The following DNAH1 variants were observed in gnomAD, a reference collection of about 807,000 sequenced individuals.
DNAH1 encodes the protein dynein axonemal heavy chain 1.
A neutral mutation model predicts 484.3 loss-of-function variants in DNAH1; 327 were observed. That is an observed-to-expected ratio of 0.68 (90% CI 0.62 to 0.74). DNAH1 has a LOEUF of 0.74. Ranked by LOEUF, DNAH1 falls within the 30% of genes least tolerant of loss-of-function variation. The pLI, the probability that DNAH1 is intolerant of heterozygous loss-of-function variation, is 0.00. For synonymous variants in DNAH1, 2,192 were observed against 2,191.9 expected (o/e 1.00, Z 0.00); for missense variants, 5,052 against 5,546.8 (o/e 0.91, Z 2.83).
chr3:52,365,781 T>C (rs1438059209), intron 34 of DNAH1, among the ~76,000 whole-genome samples: 4 of 152,176 alleles, frequency 2.6e-5, no homozygotes, highest in African/African-American at 9.7e-5. Context: ...GTGCCCTCCA[T>C]TGTGCTTCAA....
rs1233580595 is a variant in DNAH1, at chr3:52,342,056, C to T, written c.1287-2434C>T. On this transcript the variant is annotated intron_variant, in intron 8 of 77. Coordinates refer to ENST00000420323, the MANE Select transcript of DNAH1 (RefSeq NM_015512.5). The stretch of plus-strand genomic sequence containing the variant: ...CTCAGAAGGGCTTCTTTATATTAGG[C>T]GGTCAGGGAAAGCCTTTCTCACAGT... Among the ~76,000 whole-genome samples the T allele has an allele frequency of 2.0e-5, 3 of 152,206 alleles. No individual in the cohort carries two copies. The South Asian group carries it at 6.2e-4, about 31-fold the overall frequency.
In DNAH1 at chr3:52,332,329, T is replaced by C; in HGVS notation, c.1221T>C (p.Ser407=). ...CMPSDGQHVI[S]EQSLSKIKQW... is the part of the protein sequence containing the mutation. The stretch of plus-strand genomic sequence containing the variant: ...CCTCTGACGGCCAGCATGTCATCAG[T>C]GAACAGAGCCTGAGCAAGATCAAGC... The change falls in exon 8 of 78, where the codon AGT becomes AGC. Residue 407 remains serine (S), a synonymous_variant. Transcript: ENST00000420323. The C allele has an allele frequency of 6.2e-7, 1 of 1,614,056 alleles. No homozygotes were observed. Among genetic ancestry groups the C allele is most frequent in the African/African-American group, 1.3e-5 (1 of 75,066 alleles).
At chr3:52,371,909 G>A in intron 41 of DNAH1, 37 bp from the exon 42 acceptor site, 3 of 1,606,236 alleles carry the variant, frequency 1.9e-6, no homozygotes, top group Non-Finnish European at 2.6e-6. Flanking sequence ...GGCAGGGAGG[G>A]GTTCCAGGCC....
At position 52,384,014 on chromosome 3, in the gene DNAH1, G is replaced by T; in HGVS notation, c.8305G>T (p.Glu2769Ter). ...NEIPELESSQ[E>*]EIQGLIQVCV... ...GATCCCAGAACTGGAATCCTCCCAG[G>T]AAGAAATCCAAGGACTGGTGGGTGT... Residue 2769 changes from glutamate to a stop codon, truncating the protein, a stop_gained, in exon 52 of 78, where the codon GAA becomes TAA. Coordinates refer to ENST00000420323, the MANE Select transcript of DNAH1 (RefSeq NM_015512.5). LOFTEE classifies it high-confidence loss of function. 6.2e-7 allele frequency: 1 copy of T among 1,606,704 alleles called. No individual in the cohort carries two copies. The highest frequency in any genetic ancestry group is 1.1e-5 in the South Asian group (1 of 89,730).
Position 52,352,081 on chromosome 3 carries a change from A to G in DNAH1, c.2849A>G (p.Gln950Arg), listed in dbSNP as rs747471047. The G allele has an allele frequency of 1.3e-5, 20 of 1,583,096 alleles. No homozygotes were observed. The East Asian group carries it at 4.4e-4, about 35-fold the overall frequency. Residue 950 changes from glutamine to arginine, a missense_variant, in exon 17 of 78, where the codon CAA (glutamine) becomes CGA (arginine). Around this residue, in one of 4 missense-constraint regions of DNAH1, gnomAD observed 1,263 missense variants for 1,218.8 expected, o/e 1.04. Transcript: ENST00000420323. Reference protein sequence around the residue: ...KIQIMDQNNFQEKLEGLQLVV... With the variant: ...KIQIMDQNNFREKLEGLQLVV... ...CAGATCATGGATCAGAACAACTTCC[A>G]AGAGAAGCTGGAAGGGCTGCAGGTG...
In DNAH1 at chr3:52,386,175, G is replaced by T. The variant is rs370257194; in HGVS notation, c.8641G>T (p.Ala2881Ser). ...MEQIKVDTAI[A>S]EETRNSVQTE... is the part of the protein sequence containing the mutation. ...CCATCCCCAGGTGGATACGGCCATC[G>T]CCGAGGAGACCCGGAATTCAGTGCA... The change falls in exon 55 of 78, where the codon GCC (alanine) becomes TCC (serine). Residue 2881 changes from alanine to serine, a missense_variant. Ala to Ser is a moderately conservative substitution (Grantham distance 99). This residue lies in a region of DNAH1 where 2,929 missense variants were observed against 3,409.4 expected (regional missense o/e 0.86). Transcript: ENST00000420323. 1.0e-4 allele frequency: 165 copies of T among 1,613,120 alleles called. No individual in the cohort carries two copies. Among genetic ancestry groups the T allele is most frequent in the Non-Finnish European group, 1.4e-4 (162 of 1,179,492 alleles).
At chr3:52,319,547 C>A (rs1701068024) in intron 1 of DNAH1, among the ~76,000 whole-genome samples, 1 of 152,236 alleles carries the variant, frequency 6.6e-6, no homozygotes. Context: ...CAGGGCCACC[C>A]CTGCCATCTC....
intron 55 of DNAH1, 22 bp downstream of exon 55, chr3:52,386,367 G>A: frequency 6.5e-7 from 1 of 1,542,508 alleles, no homozygotes; most frequent in Non-Finnish European, 8.8e-7. Context: ...GGCATCTCCT[G>A]GCATTCCCTC....
At chr3:52,316,281 G>A (rs1337052150), upstream of DNAH1, 2 of 152,496 alleles carry the variant, frequency 1.3e-5, no homozygotes, top group Middle Eastern at 3.4e-3. Flanking sequence ...GGAAGTGCCA[G>A]GCAAAAGCAG....
chr3:52,369,716 C>T, intron 37 of DNAH1, 109 bp from the exon 38 acceptor site: 1 of 1,230,822 alleles, frequency 8.1e-7, no homozygotes. Context: ...ACAGCCTGCC[C>T]ACACCGCCCA....
chr3:52,373,905 G>C (rs1009187255), intron 44 of DNAH1: 2 of 1,376,880 alleles, frequency 1.5e-6, no homozygotes, highest in Non-Finnish European at 2.1e-6. Context: ...TCCTACGGGA[G>C]CAGAATTTGA....
chr3:52,395,718 T>A lies in DNAH1; in HGVS notation c.11259+40T>A. ...CCATCACAGACCCAGTGGGGCCGCC[T>A]CTGCATCCATCAGGGACTAATGAGG... is the stretch of plus-strand genomic sequence containing the variant. On this transcript the variant is annotated intron_variant, in intron 70 of 77. Transcript: ENST00000420323. The surrounding 1 kb of genome is among the most constrained non-coding windows in gnomAD (Gnocchi z 4.4). 1 of 1,596,136 alleles carries A rather than the reference T, an allele frequency of 6.3e-7. No homozygotes were observed. The highest frequency in any genetic ancestry group is 8.5e-7 in the Non-Finnish European group (1 of 1,170,426).
chr3:52,377,490 T>C (rs563900146), intron 46 of DNAH1, among the ~76,000 whole-genome samples: 28 of 151,874 alleles, frequency 1.8e-4, no homozygotes, highest in Non-Finnish European at 3.2e-4. Context: ...CAGGGACCCA[T>C]GAAATCATTC....
At position 52,397,005 on chromosome 3, in the gene DNAH1, G is replaced by A. The variant is rs373306491; in HGVS notation, c.11748G>A (p.Ser3916=). ...VLSPEHSYSA[S]GIYHQIPPTY... is the part of the protein sequence containing the mutation. The stretch of plus-strand genomic sequence containing the variant: ...CCCCTGAGCACAGCTACAGCGCCTC[G>A]GGCATCTACCACCAGATCCCGCCTA... Residue 3916 remains serine (S), a synonymous_variant, in exon 73 of 78, where the codon TCG becomes TCA. Coordinates refer to ENST00000420323, the MANE Select transcript of DNAH1 (RefSeq NM_015512.5). 16 of 1,610,780 alleles carry A rather than the reference G, an allele frequency of 9.9e-6. No homozygotes were observed. The highest frequency in any genetic ancestry group is 8.8e-5 in the South Asian group (8 of 90,712).
chr3:52,359,275 G>T lies in DNAH1; in HGVS notation c.4296G>T (p.Trp1432Cys). The T allele has an allele frequency of 6.4e-7, 1 of 1,568,468 alleles. No individual in the cohort carries two copies. The highest frequency in any genetic ancestry group is 8.7e-7 in the Non-Finnish European group (1 of 1,155,952). Residue 1432 changes from tryptophan (W) to cysteine (C), a missense_variant, in exon 26 of 78, where the codon TGG becomes TGT. Trp to Cys is a radical substitution (Grantham distance 215). Coordinates refer to ENST00000420323, the MANE Select transcript of DNAH1 (RefSeq NM_015512.5). ...TMPRTQWVLN[W>C]PGQVTIAGCQ... ...CCAGGACCCAGTGGGTTCTGAACTG[G>T]CCTGGCCAGGTGACCATCGCTGGGT...
rs758777068 is a variant in DNAH1 at position 52,366,802 on chromosome 3, G to A, written c.5680G>A (p.Glu1894Lys). Residue 1894 changes from glutamate to lysine, a missense_variant, in exon 36 of 78, where the codon GAG (glutamate) becomes AAG (lysine). By Grantham distance (56) the Glu-to-Lys change is moderately conservative (BLOSUM62 1). Coordinates refer to ENST00000420323, the MANE Select transcript of DNAH1 (RefSeq NM_015512.5). ...GCCATCCATCAGTGGTGGCATGTAC[G>A]AGGCTGTCAACTACTACGTGCTCAA... ...GQPSISGGMY[E>K]AVNYYVLNPK... 9.9e-6 allele frequency: 16 copies of A among 1,613,818 alleles called. No homozygotes were observed. Among genetic ancestry groups the A allele is most frequent in the South Asian group, 3.3e-5 (3 of 91,086 alleles).
intron 6 of DNAH1, among the ~76,000 whole-genome samples, chr3:52,330,523 G>A (rs1006280903): frequency 6.6e-6 from 1 of 152,222 alleles, no homozygotes; most frequent in Non-Finnish European, 1.5e-5. Flanking sequence ...GAACAAGGTC[G>A]AAACTCACAG....
chr3:52,357,391 C>T (rs116704779), intron 22 of DNAH1, among the ~76,000 whole-genome samples: 2 of 152,174 alleles, frequency 1.3e-5, no homozygotes, highest in Non-Finnish European at 2.9e-5. Flanking sequence ...AGTCCTGCAG[C>T]AAAGCAAACT....
chr3:52,313,985 T>C (rs1700872332), upstream of DNAH1, among the ~76,000 whole-genome samples: 1 of 152,018 alleles, frequency 6.6e-6, no homozygotes, highest in African/African-American at 2.4e-5. Flanking sequence ...TAGGGGTGGA[T>C]GAAAGGTCAG....
Sources: gnomAD v4.1 joint callset for allele counts (sites outside exome capture counted in the v4.1 genomes callset) on GRCh38, gnomAD v4.1.1 for gene constraint, gnomAD v4.1.1 regional missense constraint, Gnocchi (gnomAD v3.1) non-coding constraint, MANE v1.5 for transcripts, NCBI Gene and HGNC (gene_info 2026-07-23, HGNC 2026-07-21) for gene names.